Variants in CEP192 observed in about 807,000 individuals in gnomAD.
CEP192 encodes centrosomal protein 192.
A neutral mutation model predicts 271.8 loss-of-function variants in CEP192; 151 were observed. That is an observed-to-expected ratio of 0.56 (90% CI 0.49 to 0.64). The LOEUF is 0.64. CEP192 is among the 30% of genes least tolerant of loss of function. The probability of loss-of-function intolerance (pLI) is 0.00; values close to 1 mark genes in which losing one functional copy is unlikely to be tolerated. For missense variants in CEP192, 2,910 were observed against 3,020.5 expected, an observed-to-expected ratio of 0.96 and a Z score of 0.86; for synonymous variants, 995 against 1,076.5, an observed-to-expected ratio of 0.92 and a Z score of 1.48.
At chr18:13,121,006 T>C (rs951354538) in intron 44 of CEP192, among the ~76,000 whole-genome samples, 1 of 152,188 alleles carries the variant, frequency 6.6e-6, no homozygotes, top group African/African-American at 2.4e-5. Flanking sequence ...TAGAGGCAGA[T>C]ACCACAGGAA....
In CEP192 at chr18:13,049,855, C is replaced by T; in HGVS notation, c.2981C>T (p.Ser994Phe). Reference protein sequence around the residue: ...FRPSTSPLSHSSPSEISGTSS... With the variant: ...FRPSTSPLSHFSPSEISGTSS... ...CCTTCCACGTCACCACTGAGTCATTCTTCTCCTAGTGAAATTTCTGGAACG... is the reference window on the plus strand; with the variant it reads ...CCTTCCACGTCACCACTGAGTCATTTTTCTCCTAGTGAAATTTCTGGAACG... Residue 994 changes from serine to phenylalanine, a missense_variant, in exon 17 of 45, where the codon TCT becomes TTT. Physicochemically the swap from Ser to Phe is radical, Grantham distance 155 (BLOSUM62 -2). Coordinates refer to ENST00000506447, the MANE Select transcript of CEP192 (RefSeq NM_032142.4). 1 of 1,613,866 alleles carries T rather than the reference C, an allele frequency of 6.2e-7. No individual in the cohort carries two copies. The highest frequency in any genetic ancestry group is 8.5e-7 in the Non-Finnish European group (1 of 1,179,812).
chr18:13,046,536 C>T (rs1046287763), intron 15 of CEP192, among the ~76,000 whole-genome samples: 1 of 151,904 alleles, frequency 6.6e-6, no homozygotes, highest in African/African-American at 2.4e-5. Flanking sequence ...CAATTTTCTC[C>T]TCTGTTGATT....
intron 11 of CEP192, among the ~76,000 whole-genome samples, chr18:13,032,444 T>C (rs1420549409): frequency 1.3e-5 from 2 of 152,166 alleles, no homozygotes; most frequent in Non-Finnish European, 2.9e-5. Context: ...CGGTTAGGAC[T>C]TGCTCAATGA....
In CEP192 at chr18:13,077,575, G is replaced by A. The variant is rs560945890; in HGVS notation, c.5616+4390G>A. On this transcript the variant is annotated intron_variant, in intron 30 of 44. Transcript: ENST00000506447. ...TATGGGATGTATTCTGTGAAGGCTT[G>A]CTTCCTGCAAGGGTTGAGCCCTGTG... is the stretch of plus-strand genomic sequence containing the variant. 1.1e-4 allele frequency among the ~76,000 whole-genome samples: 17 copies of A among 152,304 alleles called. No homozygotes were observed. In the South Asian group the frequency reaches 3.5e-3, roughly 32 times the overall value.
At chr18:13,013,213 G>C (rs997603363) in intron 5 of CEP192, among the ~76,000 whole-genome samples, 188 bp downstream of exon 5, 4 of 143,990 alleles carry the variant, frequency 2.8e-5, no homozygotes, top group African/African-American at 1.2e-4. Context: ...GGGTAGTGCT[G>C]GTGCCTGGGA....
At chr18:13,001,622 TG>T (rs1308570155) in intron 3 of CEP192, 40 bp downstream of exon 3, 6 of 1,513,050 alleles carry the variant, frequency 4.0e-6, no homozygotes, top group Non-Finnish European at 5.3e-6. Context: ...GTGTTAAAAG[TG>T]GGTCTTACGC....
intron 43 of CEP192, among the ~76,000 whole-genome samples, chr18:13,117,174 A>G (rs2145119749): frequency 6.6e-6 from 1 of 152,258 alleles, no homozygotes; most frequent in East Asian, 1.9e-4. Context: ...GCAGTGAGCC[A>G]TGATTGTGCC....
intron 21 of CEP192, among the ~76,000 whole-genome samples, chr18:13,061,311 AGTCTC>A (rs1377619553): frequency 2.0e-5 from 3 of 152,242 alleles, no homozygotes; most frequent in African/African-American, 7.2e-5. Context: ...CAACAGAGCA[AGTCTC>A]TGCCTGAAAA....
intron 39 of CEP192, chr18:13,103,843 C>T (rs1448284211): frequency 1.8e-6 from 1 of 554,472 alleles, no homozygotes; most frequent in Admixed American, 2.2e-5. Flanking sequence ...GTGTGCACCA[C>T]CATGTCCAGC....
intron 40 of CEP192, among the ~76,000 whole-genome samples, chr18:13,107,268 A>G (rs1380258398): frequency 6.6e-6 from 1 of 152,252 alleles, no homozygotes; most frequent in Admixed American, 6.5e-5. Flanking sequence ...AGGCTGAGTC[A>G]GGAGGAACAC....
chr18:13,121,430 T>TA (rs2040654164), intron 44 of CEP192, among the ~76,000 whole-genome samples: 1 of 152,142 alleles, frequency 6.6e-6, no homozygotes, highest in African/African-American at 2.4e-5. Flanking sequence ...GGCTGCTCCT[T>TA]ACAGGCTGTA....
intron 30 of CEP192, among the ~76,000 whole-genome samples, chr18:13,073,953 A>C (rs1420836428): frequency 6.6e-6 from 1 of 152,232 alleles, no homozygotes; most frequent in African/African-American, 2.4e-5. Context: ...TTTAATTGCC[A>C]GCATAATATG....
At chr18:12,994,238 T>C (rs1375401066) in intron 1 of CEP192, among the ~76,000 whole-genome samples, 1 of 152,224 alleles carries the variant, frequency 6.6e-6, no homozygotes, top group Non-Finnish European at 1.5e-5. Flanking sequence ...TGGATGTGAT[T>C]GACTGTGGCG....
intron 32 of CEP192, chr18:13,089,007 A>G (rs2039019768): frequency 5.4e-6 from 2 of 371,584 alleles, no homozygotes; most frequent in South Asian, 2.1e-5. Context: ...TTTTTTGTGG[A>G]CATCTGAGTA....
intron 6 of CEP192, 93 bp from the exon 7 acceptor site, chr18:13,017,095 A>T: frequency 2.1e-4 from 170 of 817,850 alleles, no homozygotes; most frequent in Middle Eastern, 3.7e-4. Flanking sequence ...TAGTCCATTG[A>T]CTCATTTATG....
chr18:13,094,041 T>C (rs1345216604), intron 34 of CEP192, among the ~76,000 whole-genome samples: 1 of 152,240 alleles, frequency 6.6e-6, no homozygotes, highest in Non-Finnish European at 1.5e-5. Context: ...TTGTAAAATA[T>C]CCCGCAATTT....
Position 13,069,188 on chromosome 18 carries a change from A to G in CEP192, c.5055+7A>G. On this transcript the variant is annotated splice_region_variant and intron_variant, in intron 26 of 44. Coordinates refer to ENST00000506447, the MANE Select transcript of CEP192 (RefSeq NM_032142.4). Reference sequence around the variant, plus strand: ...AGTTTATTTGGATATCAAGGTATGCACTTCCATGAGAGTGCCATAAGATAG... The same window carrying G: ...AGTTTATTTGGATATCAAGGTATGCGCTTCCATGAGAGTGCCATAAGATAG... The G allele has an allele frequency of 6.2e-7, 1 of 1,608,530 alleles. No homozygotes were observed. The highest frequency in any genetic ancestry group is 8.5e-7 in the Non-Finnish European group (1 of 1,174,852).
chr18:13,112,122 G>A (rs567622037), intron 40 of CEP192, among the ~76,000 whole-genome samples: 1 of 152,280 alleles, frequency 6.6e-6, no homozygotes, highest in East Asian at 1.9e-4. Flanking sequence ...TTCCACTTCT[G>A]GATATACACT....
rs775544715 is a variant in CEP192 at position 13,000,091 on chromosome 18, CTTTTTTTTTTTT to C, written c.164+519_164+530del. Among the ~76,000 whole-genome samples, 14 of 76,756 alleles carry C rather than the reference CTTTTTTTTTTTT, an allele frequency of 1.8e-4. 1 individual carries two copies. Among genetic ancestry groups the C allele is most frequent in the South Asian group, 1.1e-3 (3 of 2,638 alleles). 50.4% of individuals were successfully genotyped at this position (76,756 alleles called of 152,430 possible). A position where few individuals can be genotyped will look rare whatever the true frequency, so the allele number is the denominator to read the frequency against. On this transcript the variant is annotated intron_variant, in intron 2 of 44. Coordinates refer to ENST00000506447, the MANE Select transcript of CEP192 (RefSeq NM_032142.4). ...CTCTGTATAACTCATTGTCTTCTCT[CTTTTTTTTTTTT>C]TTTTTTTTTTTTTTTGCTAATTAAA... is the stretch of plus-strand genomic sequence containing the variant.
Sources: allele counts gnomAD v4.1 joint callset (sites outside exome capture counted in the v4.1 genomes callset), GRCh38; gene constraint gnomAD v4.1.1; transcripts MANE v1.5; gene names NCBI Gene and HGNC (gene_info 2026-07-23, HGNC 2026-07-21).